The following WDFY4 variants were observed in gnomAD, a reference collection of about 807,000 sequenced individuals.
WDFY4 encodes WD repeat- and FYVE domain-containing protein 4.
In WDFY4, 169 loss-of-function variants were observed where a neutral mutation model predicts 351.9. That is an observed-to-expected ratio of 0.48 (90% confidence interval 0.42 to 0.55). The LOEUF is 0.55. Ranked by LOEUF, WDFY4 falls within the 20% of genes least tolerant of loss-of-function variation. The probability of loss-of-function intolerance (pLI) is 0.00; values close to 1 mark genes in which losing one functional copy is unlikely to be tolerated. For synonymous variants in WDFY4, 1,622 were observed against 1,574.6 expected, an observed-to-expected ratio of 1.03 and a Z score of -0.71; for missense variants, 3,803 against 3,935.6, an observed-to-expected ratio of 0.97 and a Z score of 0.90.
chr10:48,880,878 G>A (rs1450951140), intron 43 of WDFY4, among the ~76,000 whole-genome samples: 2 of 152,142 alleles, frequency 1.3e-5, no homozygotes, highest in South Asian at 2.1e-4. Flanking sequence ...ATGCAGGCCC[G>A]GGGAGGTGGG....
chr10:48,806,918 A>G (rs894982867), intron 27 of WDFY4, among the ~76,000 whole-genome samples: 1 of 152,258 alleles, frequency 6.6e-6, no homozygotes, highest in Non-Finnish European at 1.5e-5. Context: ...TCTATTGGAC[A>G]AGGTAGATAT....
intron 52 of WDFY4, among the ~76,000 whole-genome samples, chr10:48,958,852 G>T (rs867684765): frequency 3.9e-5 from 6 of 152,270 alleles, no homozygotes; most frequent in South Asian, 2.1e-4. Context: ...GGTGGCAGGT[G>T]AGCTGAGATG....
rs1182655462 is a variant in WDFY4 at position 48,777,511 on chromosome 10, A to C, written c.3175+16A>C. 3.2e-6 allele frequency: 5 copies of C among 1,550,348 alleles called. No homozygotes were observed. In the East Asian group the frequency reaches 1.2e-4, roughly 38 times the overall value. On this transcript the variant is annotated intron_variant, in intron 17 of 61. Coordinates refer to ENST00000325239, the MANE Select transcript of WDFY4 (RefSeq NM_001394531.1). ...ATTGGGACAGGTAGGTGTTTTTCCCAGATGGTTTAGCTCTCCATCCCTTCC... is the reference window on the plus strand; with the variant it reads ...ATTGGGACAGGTAGGTGTTTTTCCCCGATGGTTTAGCTCTCCATCCCTTCC...
intron 11 of WDFY4, among the ~76,000 whole-genome samples, chr10:48,737,591 C>A (rs1358364832): frequency 4.6e-5 from 7 of 152,252 alleles, no homozygotes; most frequent in African/African-American, 1.7e-4. Context: ...GTGGTCCATC[C>A]AAAAGTGGCG....
chr10:48,777,621 C>G, intron 17 of WDFY4, 126 bp downstream of exon 17: 2 of 956,642 alleles, frequency 2.1e-6, no homozygotes, highest in Non-Finnish European at 1.6e-6. Context: ...CATGGTGGCT[C>G]ACACCTGTAA....
At chr10:48,750,777 G>C (rs371133781) in intron 12 of WDFY4, among the ~76,000 whole-genome samples, 40 of 152,242 alleles carry the variant, frequency 2.6e-4, no homozygotes, top group African/African-American at 9.4e-4. Context: ...TAAAGGCACT[G>C]TACATCTATC....
intron 13 of WDFY4, 90 bp downstream of exon 13, chr10:48,760,530 T>C: frequency 7.6e-7 from 1 of 1,323,798 alleles, no homozygotes; most frequent in South Asian, 1.3e-5. Flanking sequence ...TTTCCTTTTG[T>C]CCGTGTCTTC....
At chr10:48,915,609 G>A (rs995683112) in intron 47 of WDFY4, among the ~76,000 whole-genome samples, 2 of 152,076 alleles carry the variant, frequency 1.3e-5, no homozygotes, top group African/African-American at 4.8e-5. Context: ...CAGGCTGTGT[G>A]GGAATATAGT....
chr10:48,943,062 G>C lies in WDFY4; in HGVS notation c.7630-268G>C, dbSNP rs928250588. On this transcript the variant is annotated intron_variant, in intron 48 of 61. Coordinates refer to ENST00000325239, the MANE Select transcript of WDFY4 (RefSeq NM_001394531.1). Reference sequence around the variant, plus strand: ...ACTGCATCCAACAGTTAACACAAAAGCATGTTTTATCCTTGGTGTTGGATG... The same window carrying C: ...ACTGCATCCAACAGTTAACACAAAACCATGTTTTATCCTTGGTGTTGGATG... Among the ~76,000 whole-genome samples, 3 of 151,816 alleles carry C rather than the reference G, an allele frequency of 2.0e-5. No homozygotes were observed. In the East Asian group the frequency reaches 5.8e-4, roughly 29 times the overall value.
intron 25 of WDFY4, among the ~76,000 whole-genome samples, chr10:48,803,798 G>T (rs1258532278): frequency 6.6e-6 from 1 of 152,208 alleles, no homozygotes; most frequent in African/African-American, 2.4e-5. Context: ...AGTAAAGAGG[G>T]ACTTCGTTGG....
Position 48,795,512 on chromosome 10 carries a change from TATATATATATACATATATATATACACAC to T in WDFY4, c.4258-784_4258-757del, listed in dbSNP as rs1406373774. Reference sequence around the variant, plus strand: ...GTCTGTATATATATATATATATATATATATATATATACATATATATATACACACACATGAATAGTCTGGAAAGATATTG... The same window carrying T: ...GTCTGTATATATATATATATATATATACATGAATAGTCTGGAAAGATATTG... On this transcript the variant is annotated intron_variant, in intron 23 of 61. Transcript: ENST00000325239. Among the ~76,000 whole-genome samples the T allele has an allele frequency of 4.5e-4, 45 of 100,328 alleles. 2 individuals are homozygous for T. The highest frequency in any genetic ancestry group is 1.7e-3 in the African/African-American group (35 of 20,682). 65.8% of individuals were successfully genotyped at this position (100,328 alleles called of 152,430 possible).
intron 31 of WDFY4, among the ~76,000 whole-genome samples, chr10:48,815,493 C>T (rs2067589098): frequency 6.6e-6 from 1 of 151,768 alleles, no homozygotes; most frequent in African/African-American, 2.4e-5. Context: ...GGGTCTTGCT[C>T]TGTTGCCCAG....
chr10:48,721,416 G>A, intron 4 of WDFY4, 49 bp downstream of exon 4: 1 of 1,519,332 alleles, frequency 6.6e-7, no homozygotes, highest in Non-Finnish European at 8.9e-7. Context: ...TCATCTAGGT[G>A]CAGAGGGAGG....
chr10:48,759,259 C>T (rs545320687), intron 12 of WDFY4, among the ~76,000 whole-genome samples: 46 of 152,138 alleles, frequency 3.0e-4, no homozygotes, highest in Admixed American at 3.0e-3. Flanking sequence ...GAACTCAGCC[C>T]AGAGGTTAAT....
chr10:48,949,834 G>A (rs1014382741), intron 51 of WDFY4, among the ~76,000 whole-genome samples: 4 of 152,164 alleles, frequency 2.6e-5, no homozygotes, highest in Non-Finnish European at 4.4e-5. Flanking sequence ...CCAGGGCTGC[G>A]TGTCTGACTT....
At chr10:48,928,917 T>C (rs1589923110) in intron 47 of WDFY4, among the ~76,000 whole-genome samples, 1 of 152,338 alleles carries the variant, frequency 6.6e-6, no homozygotes, top group East Asian at 1.9e-4. Flanking sequence ...TGAGGCACTG[T>C]TCCAGGCAGC....
At chr10:48,977,436 T>C (rs1842621144) in intron 59 of WDFY4, among the ~76,000 whole-genome samples, 1 of 150,624 alleles carries the variant, frequency 6.6e-6, no homozygotes, top group East Asian at 1.9e-4. Flanking sequence ...CATCCATCCA[T>C]CCATCCATCC....
chr10:48,977,028 A>G (rs375381281), intron 59 of WDFY4, 49 bp downstream of exon 59: 3 of 1,302,276 alleles, frequency 2.3e-6, no homozygotes, highest in African/African-American at 3.1e-5. Context: ...AAACGTGTTC[A>G]TCTCCATTCT....
Position 48,743,479 on chromosome 10 carries a change from A to G in WDFY4, c.2390A>G (p.Asp797Gly). The change falls in exon 12 of 62, where the codon GAT becomes GGT. Residue 797 changes from aspartate to glycine, a missense_variant. By Grantham distance (94) the Asp-to-Gly change is moderately conservative. Around this residue, in one of 3 missense-constraint regions of WDFY4, gnomAD observed 3,054 missense variants for 3,148.6 expected, o/e 0.97. Coordinates refer to ENST00000325239, the MANE Select transcript of WDFY4 (RefSeq NM_001394531.1). ...AGGACCAAGCAGGGGCCGGTTGTGG[A>G]TGTTCAGAAGGGAGAAACTGGCAGT... is the stretch of plus-strand genomic sequence containing the variant. ...SLRTKQGPVVDVQKGETGSDP... is the reference protein window; with the variant it reads ...SLRTKQGPVVGVQKGETGSDP... The G allele has an allele frequency of 4.5e-6, 7 of 1,546,678 alleles. No individual in the cohort carries two copies. The highest frequency in any genetic ancestry group is 6.1e-6 in the Non-Finnish European group (7 of 1,146,906).
Sources: gnomAD v4.1 joint callset for allele counts (sites outside exome capture counted in the v4.1 genomes callset) on GRCh38, gnomAD v4.1.1 for gene constraint, gnomAD v4.1.1 regional missense constraint, MANE v1.5 for transcripts, NCBI Gene and HGNC (gene_info 2026-07-23, HGNC 2026-07-21) for gene names.